The following C16orf74 variants were observed in gnomAD, a reference collection of about 807,000 sequenced individuals.
The protein encoded by C16orf74 is calcimembrin.
C16orf74 carries 10 observed loss-of-function variants against 6.5 expected under a neutral mutation model. That is an observed-to-expected ratio of 1.54 (90% CI 0.95 to 2.61). C16orf74 has a LOEUF of 2.61. C16orf74 is among the 30% of genes most tolerant of loss of function. C16orf74 has a pLI of 0.00. For missense variants in C16orf74, 141 were observed against 105.9 expected (o/e 1.33, Z -1.45); for synonymous variants, 60 against 42.5 (o/e 1.41, Z -1.60).
intron 1 of C16orf74, among the ~76,000 whole-genome samples, chr16:85,746,531 C>G (rs1289838885): frequency 6.6e-6 from 1 of 152,176 alleles, no homozygotes; most frequent in Non-Finnish European, 1.5e-5. Flanking sequence ...GAGCCACCTC[C>G]CAGATGAAAT....
intron 2 of C16orf74, among the ~76,000 whole-genome samples, chr16:85,712,574 G>A (rs2053981173): frequency 6.6e-6 from 1 of 152,164 alleles, no homozygotes; most frequent in African/African-American, 2.4e-5. Flanking sequence ...ACAAAAGCAT[G>A]TACACCTAGA....
intron 2 of C16orf74, among the ~76,000 whole-genome samples, chr16:85,723,525 A>T (rs2054103475): frequency 6.6e-6 from 1 of 152,158 alleles, no homozygotes. Flanking sequence ...CGCTATGGCC[A>T]CGGTCATCTC....
chr16:85,720,972 T>G (rs2054076738), intron 2 of C16orf74, among the ~76,000 whole-genome samples: 1 of 151,992 alleles, frequency 6.6e-6, no homozygotes, highest in South Asian at 2.1e-4. Flanking sequence ...GCACCTGTAA[T>G]CCCAGCTACT....
intron 2 of C16orf74, among the ~76,000 whole-genome samples, chr16:85,718,932 C>T (rs901731657): frequency 3.3e-5 from 5 of 152,384 alleles, no homozygotes; most frequent in East Asian, 1.9e-4. Context: ...CTTGCGGTCA[C>T]GCAGCTGGAG....
At chr16:85,730,134 G>A (rs1293043960) in intron 2 of C16orf74, among the ~76,000 whole-genome samples, 1 of 152,178 alleles carries the variant, frequency 6.6e-6, no homozygotes, top group Non-Finnish European at 1.5e-5. Flanking sequence ...GGCGAGGGCT[G>A]GGGCTGTGGC....
rs148856269 is a variant in C16orf74 at position 85,726,343 on chromosome 16, G to A, written c.28+8847C>T. On this transcript the variant is annotated intron_variant, in intron 2 of 3. Coordinates refer to ENST00000284245, the MANE Select transcript of C16orf74 (RefSeq NM_206967.3). ...GGTACTCAGTACATGTTTGTGTGGA[G>A]TTGCCCGGGACACACTCTCCTCTGG... Among the ~76,000 whole-genome samples, 323 of 152,342 alleles carry A rather than the reference G, an allele frequency of 2.1e-3. 2 individuals are homozygous for A. Among genetic ancestry groups the A allele is most frequent in the African/African-American group, 7.2e-3 (298 of 41,568 alleles).
At chr16:85,732,648 A>C (rs1272161069) in intron 2 of C16orf74, among the ~76,000 whole-genome samples, 4 of 126,188 alleles carry the variant, frequency 3.2e-5, no homozygotes, top group Non-Finnish European at 4.8e-5. Context: ...CCTGGGTGAC[A>C]GAGCGAGACT....
intron 1 of C16orf74, among the ~76,000 whole-genome samples, chr16:85,750,681 G>A (rs2054427711): frequency 6.6e-6 from 1 of 152,148 alleles, no homozygotes; most frequent in South Asian, 2.1e-4. Flanking sequence ...CACCCCCACC[G>A]CCGTGCAAGT....
intron 3 of C16orf74, among the ~76,000 whole-genome samples, chr16:85,708,903 G>A (rs536893816): frequency 1.3e-5 from 2 of 152,364 alleles, no homozygotes; most frequent in African/African-American, 2.4e-5. Flanking sequence ...CGAGACCCAT[G>A]TCATGATGGC....
At chr16:85,730,572 C>T (rs1461160299) in intron 2 of C16orf74, among the ~76,000 whole-genome samples, 1 of 128,158 alleles carries the variant, frequency 7.8e-6, no homozygotes, top group Non-Finnish European at 1.6e-5. Context: ...CCAACTGAAC[C>T]CCCAGACCAC....
chr16:85,730,075 G>A (rs981204204), intron 2 of C16orf74, among the ~76,000 whole-genome samples: 4 of 152,154 alleles, frequency 2.6e-5, no homozygotes, highest in African/African-American at 9.7e-5. Flanking sequence ...GTCTTCCTGG[G>A]CAGTTACACA....
chr16:85,738,580 C>T (rs1375987387), intron 1 of C16orf74, among the ~76,000 whole-genome samples: 1 of 151,926 alleles, frequency 6.6e-6, no homozygotes, highest in Non-Finnish European at 1.5e-5. Flanking sequence ...ATCCACCCAC[C>T]TCGGCCTCCC....
intron 2 of C16orf74, among the ~76,000 whole-genome samples, chr16:85,720,462 C>G (rs74552677): frequency 0.011 from 1,600 of 152,098 alleles, 30 homozygotes; most frequent in African/African-American, 0.036. Flanking sequence ...TGTGGTGAGC[C>G]CAGATTCCAA....
chr16:85,738,468 G>A (rs1216608101), intron 1 of C16orf74, among the ~76,000 whole-genome samples: 3 of 150,936 alleles, frequency 2.0e-5, no homozygotes, highest in African/African-American at 4.9e-5. Flanking sequence ...GGGACTACAG[G>A]CGTGCACCAT....
chr16:85,729,423 C>T (rs950389563), intron 2 of C16orf74, among the ~76,000 whole-genome samples: 1 of 152,196 alleles, frequency 6.6e-6, no homozygotes, highest in African/African-American at 2.4e-5. Flanking sequence ...GGTGTTGGCA[C>T]AGCTGTGTTC....
intron 2 of C16orf74, among the ~76,000 whole-genome samples, chr16:85,716,302 G>A (rs769037193): frequency 1.3e-4 from 19 of 149,050 alleles, no homozygotes; most frequent in Non-Finnish European, 2.2e-4. Context: ...GAGGGAAGGA[G>A]GGAGAAGAGG....
Position 85,730,887 on chromosome 16 carries a change from AC to A in C16orf74, c.28+4302del, listed in dbSNP as rs571584098. 1.1e-4 allele frequency among the ~76,000 whole-genome samples: 15 copies of A among 140,588 alleles called. No homozygotes were observed. In the South Asian group the frequency reaches 1.7e-3, roughly 16 times the overall value. The allele number at this position is 140,588 out of a possible 152,430, so 92.2% of individuals were successfully genotyped here. The stretch of plus-strand genomic sequence containing the variant: ...AAACCTAAATCCCCTAGACAACTGA[AC>A]CCCCCCAGATCAGCTGACTGAACCT... On this transcript the variant is annotated intron_variant, in intron 2 of 3. Transcript: ENST00000284245.
At chr16:85,723,572 CA>C (rs1457393820) in intron 2 of C16orf74, among the ~76,000 whole-genome samples, 3 of 152,146 alleles carry the variant, frequency 2.0e-5, no homozygotes, top group Non-Finnish European at 4.4e-5. Context: ...GGTGTGACTT[CA>C]GGGGGTTCAC....
In C16orf74 at chr16:85,725,236, G is replaced by T. The variant is rs181318749; in HGVS notation, c.28+9954C>A. Among the ~76,000 whole-genome samples, 31 of 152,194 alleles carry T rather than the reference G, an allele frequency of 2.0e-4. 1 individual carries two copies. The East Asian group carries it at 5.8e-3, about 29-fold the overall frequency. ...GAGGCTGGAGTGGGGTGTCTCTCAG[G>T]AGCTCCTGCCTCCTGGGCAGAGATC... On this transcript the variant is annotated intron_variant, in intron 2 of 3. Coordinates refer to ENST00000284245, the MANE Select transcript of C16orf74 (RefSeq NM_206967.3).
Sources: gnomAD v4.1 joint callset for allele counts (sites outside exome capture counted in the v4.1 genomes callset) on GRCh38, gnomAD v4.1.1 for gene constraint, MANE v1.5 for transcripts, NCBI Gene and HGNC (gene_info 2026-07-23, HGNC 2026-07-21) for gene names.